The following PAMR1 variants were observed in gnomAD, a reference collection of about 807,000 sequenced individuals.
The protein encoded by PAMR1 is peptidase domain containing associated with muscle regeneration 1.
A neutral mutation model predicts 81.8 loss-of-function variants in PAMR1; 88 were observed. The observed-to-expected ratio is 1.08, with a 90% CI of 0.91 to 1.28. The LOEUF (loss-of-function observed/expected upper bound fraction) is 1.28, where lower values mean the gene tolerates loss of function less well. Among genes scored for constraint, PAMR1 ranks in the 50% most tolerant of loss-of-function variants. PAMR1 has a pLI of 0.00. For missense variants in PAMR1, 935 were observed against 919.7 expected, an observed-to-expected ratio of 1.02 and a Z score of -0.21; for synonymous variants, 336 against 345.3, an observed-to-expected ratio of 0.97 and a Z score of 0.30.
chr11:35,514,691 T>C (rs1389456763), intron 1 of PAMR1, among the ~76,000 whole-genome samples: 1 of 152,202 alleles, frequency 6.6e-6, no homozygotes, highest in Non-Finnish European at 1.5e-5. Context: ...ATAATGCATC[T>C]AAAAATATTT....
chr11:35,467,424 T>C (rs1856777114), intron 6 of PAMR1, among the ~76,000 whole-genome samples: 1 of 152,222 alleles, frequency 6.6e-6, no homozygotes, highest in South Asian at 2.1e-4. Flanking sequence ...ATGGCTTCCA[T>C]CTGTGACACC....
intron 9 of PAMR1, among the ~76,000 whole-genome samples, chr11:35,435,327 A>G (rs1238362056): frequency 1.3e-5 from 2 of 152,202 alleles, no homozygotes; most frequent in Non-Finnish European, 2.9e-5. Context: ...ACTCATCATC[A>G]TAACCTTATG....
intron 4 of PAMR1, among the ~76,000 whole-genome samples, chr11:35,473,646 A>C (rs1850229833): frequency 6.6e-6 from 1 of 152,012 alleles, no homozygotes; most frequent in Admixed American, 6.5e-5. Flanking sequence ...TGAGAAGGGG[A>C]CTTGTTTTGC....
intron 6 of PAMR1, among the ~76,000 whole-genome samples, chr11:35,451,412 C>T (rs954256115): frequency 6.6e-6 from 1 of 152,208 alleles, no homozygotes; most frequent in African/African-American, 2.4e-5. Context: ...TTCCATAATG[C>T]TTAGATGTGT....
chr11:35,482,467 T>C (rs1207721874), intron 3 of PAMR1, among the ~76,000 whole-genome samples: 2 of 152,200 alleles, frequency 1.3e-5, no homozygotes, highest in Non-Finnish European at 2.9e-5. Flanking sequence ...AGTCAGGTAG[T>C]ATGATGCCTC....
intron 8 of PAMR1, 37 bp downstream of exon 8, chr11:35,439,590 T>C: frequency 2.0e-6 from 3 of 1,536,856 alleles, no homozygotes; most frequent in Non-Finnish European, 2.7e-6. Context: ...AAATACTCAT[T>C]AGCCTTCAGG....
chr11:35,497,321 A>C (rs1045510582), intron 1 of PAMR1, among the ~76,000 whole-genome samples: 10 of 152,238 alleles, frequency 6.6e-5, no homozygotes, highest in African/African-American at 2.4e-4. Context: ...GAAGCCAAAC[A>C]CAAAAGGACA....
intron 1 of PAMR1, among the ~76,000 whole-genome samples, chr11:35,513,856 G>A (rs545571339): frequency 3.0e-4 from 45 of 152,238 alleles, no homozygotes; most frequent in African/African-American, 1.0e-3. Context: ...TCTCAAATAA[G>A]CATATTCCTT....
intron 6 of PAMR1, among the ~76,000 whole-genome samples, chr11:35,449,366 G>A (rs1416275922): frequency 6.6e-6 from 1 of 152,194 alleles, no homozygotes; most frequent in South Asian, 2.1e-4. Context: ...CCTCCCCACA[G>A]AGGCTCTGTC....
intron 6 of PAMR1, among the ~76,000 whole-genome samples, chr11:35,460,659 C>A (rs1046840071): frequency 5.9e-5 from 9 of 152,078 alleles, no homozygotes; most frequent in Non-Finnish European, 1.3e-4. Context: ...TGAACTCATC[C>A]TTTTTTATGG....
Position 35,432,399 on chromosome 11 carries a change from T to C in PAMR1, c.2120A>G (p.Lys707Arg). The C allele has an allele frequency of 1.9e-6, 3 of 1,613,902 alleles. No individual in the cohort carries two copies. Among genetic ancestry groups the C allele is most frequent in the Non-Finnish European group, 2.5e-6 (3 of 1,180,034 alleles). Residue 707 changes from lysine to arginine, a missense_variant, in exon 11 of 11, where the codon AAG (lysine) becomes AGG (arginine). Transcript: ENST00000619888. Reference sequence around the variant, plus strand: ...AATCCAGTCTTTAAAAGGCAGCACCTTGGTGAAGGCAGTGGAGAGCCTGTG... The same window carrying C: ...AATCCAGTCTTTAAAAGGCAGCACCCTGGTGAAGGCAGTGGAGAGCCTGTG... ...CSHRLSTAFTKVLPFKDWIER... is the reference protein window; with the variant it reads ...CSHRLSTAFTRVLPFKDWIER...
chr11:35,510,585 C>G (rs767071681), intron 1 of PAMR1, among the ~76,000 whole-genome samples: 11 of 150,742 alleles, frequency 7.3e-5, no homozygotes, highest in African/African-American at 7.3e-5. Flanking sequence ...GAAAAGATGT[C>G]AACATTTTGA....
At chr11:35,507,470 T>C (rs1850986312) in intron 1 of PAMR1, among the ~76,000 whole-genome samples, 1 of 152,218 alleles carries the variant, frequency 6.6e-6, no homozygotes, top group Admixed American at 6.5e-5. Flanking sequence ...GTTTGGTTTC[T>C]TTATTATTAT....
At chr11:35,498,456 A>G (rs548319008) in intron 1 of PAMR1, among the ~76,000 whole-genome samples, 1 of 152,348 alleles carries the variant, frequency 6.6e-6, no homozygotes, top group South Asian at 2.1e-4. Context: ...TAATGCATAT[A>G]AACAGCTTAG....
chr11:35,476,450 G>T (rs770505728), intron 3 of PAMR1, among the ~76,000 whole-genome samples: 4 of 152,112 alleles, frequency 2.6e-5, no homozygotes, highest in Admixed American at 1.3e-4. Flanking sequence ...TTTATAAGGG[G>T]TTTTCCACCT....
intron 3 of PAMR1, 111 bp downstream of exon 3, chr11:35,491,934 G>A: frequency 1.1e-6 from 1 of 947,336 alleles, no homozygotes; most frequent in Non-Finnish European, 1.5e-6. Context: ...AAGCCCTCTG[G>A]CTGCAGGCTT....
chr11:35,470,017 A>C (rs1296216656), intron 5 of PAMR1, among the ~76,000 whole-genome samples: 3 of 152,164 alleles, frequency 2.0e-5, no homozygotes, highest in Admixed American at 6.5e-5. Context: ...GTCTTTTAAT[A>C]CCTATTTTAT....
chr11:35,507,495 A>G (rs1850986730), intron 1 of PAMR1, among the ~76,000 whole-genome samples: 1 of 152,142 alleles, frequency 6.6e-6, no homozygotes, highest in Admixed American at 6.5e-5. Flanking sequence ...TCTCTTTGTG[A>G]AATTTTTCTG....
chr11:35,478,766 G>A (rs1850327405), intron 3 of PAMR1, among the ~76,000 whole-genome samples: 1 of 152,222 alleles, frequency 6.6e-6, no homozygotes, highest in Non-Finnish European at 1.5e-5. Context: ...CAGGCAAAGA[G>A]CCTGGAAGAT....
Sources: allele counts gnomAD v4.1 joint callset (sites outside exome capture counted in the v4.1 genomes callset), GRCh38; gene constraint gnomAD v4.1.1; transcripts MANE v1.5; gene names NCBI Gene and HGNC (gene_info 2026-07-23, HGNC 2026-07-21).